Variants in PRH1 observed in about 807,000 individuals in gnomAD.
The protein encoded by PRH1 is proline rich protein HaeIII subfamily 1, also known as salivary acidic proline-rich phosphoprotein 1/2.
Under a neutral mutation model 7.9 loss-of-function variants are expected in PRH1, and 7 were observed. The observed-to-expected ratio is 0.89, with a 90% confidence interval of 0.50 to 1.67. The LOEUF (loss-of-function observed/expected upper bound fraction) is 1.67, where lower values mean the gene tolerates loss of function less well. Among genes scored for constraint, PRH1 ranks in the 40% most tolerant of loss-of-function variants. The probability of loss-of-function intolerance (pLI) is 0.00; values close to 1 mark genes in which losing one functional copy is unlikely to be tolerated. For missense variants in PRH1, 109 were observed against 223.6 expected (o/e 0.49, Z 3.27); for synonymous variants, 45 against 80.8 (o/e 0.56, Z 2.38).
chr12:11,129,915 C>A (rs1334018708), intron 1 of PRH1, among the ~76,000 whole-genome samples: 2 of 152,234 alleles, frequency 1.3e-5, no homozygotes, highest in African/African-American at 4.8e-5. Flanking sequence ...CTTTAGGAGG[C>A]CGACACAGGC....
At chr12:11,004,804 A>G (rs1940752611) in intron 1 of PRH1, among the ~76,000 whole-genome samples, 1 of 152,150 alleles carries the variant, frequency 6.6e-6, no homozygotes, top group Non-Finnish European at 1.5e-5. Context: ...TGATTAGTTC[A>G]TGGCATATTG....
intron 1 of PRH1, among the ~76,000 whole-genome samples, chr12:11,040,026 G>T (rs1392869634): frequency 6.6e-6 from 1 of 152,128 alleles, no homozygotes; most frequent in East Asian, 1.9e-4. Flanking sequence ...TTTCTCTAGA[G>T]CCCAGTTAAT....
downstream of PRH1, among the ~76,000 whole-genome samples, chr12:11,117,988 G>A (rs558175679): frequency 2.0e-5 from 3 of 152,206 alleles, no homozygotes; most frequent in African/African-American, 7.2e-5. Context: ...AAACTCCCCA[G>A]GACATTGGTT....
At chr12:11,158,202 T>C (rs1947310432) in intron 1 of PRH1, among the ~76,000 whole-genome samples, 1 of 152,138 alleles carries the variant, frequency 6.6e-6, no homozygotes, top group African/African-American at 2.4e-5. Context: ...TCATTTCATA[T>C]TTTAGTAACA....
intron 1 of PRH1, among the ~76,000 whole-genome samples, chr12:11,164,973 T>C (rs1196893779): frequency 6.6e-6 from 1 of 152,314 alleles, no homozygotes; most frequent in South Asian, 2.1e-4. Flanking sequence ...ATCTGTTTTC[T>C]GTCACTATAT....
chr12:11,053,937 C>T (rs1389422850), intron 1 of PRH1, among the ~76,000 whole-genome samples: 1 of 152,210 alleles, frequency 6.6e-6, no homozygotes, highest in Non-Finnish European at 1.5e-5. Context: ...TCTCCTGCCT[C>T]AGCCTCCCAA....
intron 1 of PRH1, among the ~76,000 whole-genome samples, chr12:11,086,660 T>G (rs1185979662): frequency 7.0e-6 from 1 of 141,934 alleles, no homozygotes; most frequent in Non-Finnish European, 1.6e-5. Flanking sequence ...AGGCCTGTAA[T>G]CCCAGCACTT....
At chr12:10,934,506 A>T (rs558123660) in intron 2 of PRH1, among the ~76,000 whole-genome samples, 10 of 152,264 alleles carry the variant, frequency 6.6e-5, no homozygotes, top group African/African-American at 2.4e-4. Context: ...GGCATTTAGC[A>T]TGGCTGCAAA....
chr12:11,080,828 T>G lies in PRH1; in HGVS notation n.124-33640A>C, dbSNP rs185284520. 4.1e-5 allele frequency among the ~76,000 whole-genome samples: 4 copies of G among 96,614 alleles called. 1 individual carries two copies. The highest frequency in any genetic ancestry group is 3.2e-4 in the Admixed American group (3 of 9,420). 63.4% of individuals were successfully genotyped at this position (96,614 alleles called of 152,430 possible). A position where few individuals can be genotyped will look rare whatever the true frequency, so the allele number is the denominator to read the frequency against. On this transcript the variant is annotated intron_variant and non_coding_transcript_variant, in intron 1 of 4. Transcript: ENST00000541977. ...ACTCTTTGGAAACACACTGAAGACA[T>G]GATTCCCATGATTCCATTGCATTCC...
intron 1 of PRH1, among the ~76,000 whole-genome samples, chr12:11,063,215 G>C (rs1265471404): frequency 6.6e-6 from 1 of 152,056 alleles, no homozygotes; most frequent in African/African-American, 2.4e-5. Flanking sequence ...CCAACCCTTT[G>C]ATATATAGTC....
chr12:10,979,316 TTGATTTAG>T (rs1939247479), intron 1 of PRH1, among the ~76,000 whole-genome samples: 1 of 149,690 alleles, frequency 6.7e-6, no homozygotes, highest in Admixed American at 6.7e-5. Context: ...TAAGGCAGGA[TTGATTTAG>T]TGATTTAGTG....
chr12:11,094,655 C>A lies in PRH1; in HGVS notation n.124-47467G>T, dbSNP rs1364204974. Among the ~76,000 whole-genome samples, 17 of 115,546 alleles carry A rather than the reference C, an allele frequency of 1.5e-4. 5 individuals carry two copies. The highest frequency in any genetic ancestry group is 4.6e-4 in the African/African-American group (16 of 34,420). The allele number at this position is 115,546 out of a possible 152,430, so 75.8% of individuals were successfully genotyped here. On this transcript the variant is annotated intron_variant and non_coding_transcript_variant, in intron 1 of 4. Transcript: ENST00000541977. ...TCTTAGAATTGTGTAAGAATGTATA[C>A]AAATATTTGATATTTCCCTTCGGTA... is the stretch of plus-strand genomic sequence containing the variant.
At chr12:11,018,723 GT>G (rs1447474512) in intron 1 of PRH1, among the ~76,000 whole-genome samples, 1 of 102,146 alleles carries the variant, frequency 9.8e-6, no homozygotes, top group Non-Finnish European at 2.4e-5. Flanking sequence ...CAGGACAGCA[GT>G]TGTAAAAGTG....
intron 1 of PRH1, among the ~76,000 whole-genome samples, chr12:11,148,596 T>TTTGCA: frequency 7.0e-6 from 1 of 142,928 alleles, no homozygotes; most frequent in Non-Finnish European, 1.5e-5. Context: ...CATTTATTGA[T>TTTGCA]TTGCATATAT....
chr12:11,018,413 A>C (rs965266974), intron 1 of PRH1, among the ~76,000 whole-genome samples: 4 of 152,222 alleles, frequency 2.6e-5, no homozygotes, highest in Admixed American at 1.3e-4. Flanking sequence ...GGACACAAAC[A>C]TGTGCTTCCT....
At position 10,931,025 on chromosome 12, in the gene PRH1, G is replaced by A. The variant is rs182454844; in HGVS notation, c.-59+42630C>T. On this transcript the variant is annotated intron_variant, in intron 2 of 3. Transcript: ENST00000539853. ...CAGGGACCACCTCCCCAAGGGGGCC[G>A]CCCACAAGGACCTCCACAGGGGCAG... The A allele has an allele frequency of 3.7e-4, 584 of 1,591,068 alleles. 1 individual carries two copies. In the African/African-American group the frequency reaches 4.2e-3, roughly 11 times the overall value.
At chr12:10,969,031 G>C (rs1017102293) in intron 2 of PRH1, among the ~76,000 whole-genome samples, 2 of 152,210 alleles carry the variant, frequency 1.3e-5, no homozygotes, top group African/African-American at 4.8e-5. Context: ...CAGCTTCCAA[G>C]AAAAATGAGG....
chr12:11,091,140 A>ATATATATATATATATATATATATG, intron 1 of PRH1: 1 of 133,512 alleles, frequency 7.5e-6, no homozygotes, highest in Non-Finnish European at 1.6e-5. Flanking sequence ...ATATATATAT[A>ATATATATATATATATATATATATG]TATTTTCTAG....
intron 2 of PRH1, among the ~76,000 whole-genome samples, chr12:10,931,769 T>C (rs1477237548): frequency 6.6e-6 from 1 of 152,198 alleles, no homozygotes; most frequent in African/African-American, 2.4e-5. Flanking sequence ...AAAATTTATT[T>C]CTTAGCTTTC....
Sources: allele counts gnomAD v4.1 joint callset (sites outside exome capture counted in the v4.1 genomes callset), GRCh38; gene constraint gnomAD v4.1.1; transcripts MANE v1.5; gene names NCBI Gene and HGNC (gene_info 2026-07-23, HGNC 2026-07-21).